KSR2: variants seen among roughly 807,000 people sequenced by gnomAD.
KSR2 encodes kinase suppressor of ras 2.
Under a neutral mutation model 107.8 loss-of-function variants are expected in KSR2, and 25 were observed. The ratio of observed to expected loss-of-function variants is 0.23; its 90% CI spans 0.17 to 0.32. The LOEUF (loss-of-function observed/expected upper bound fraction) is 0.32. KSR2 is among the 10% of genes least tolerant of loss of function. KSR2 has a pLI of 1.00. For missense variants in KSR2, 887 were observed against 1,268.9 expected (o/e 0.70, Z 4.57); for synonymous variants, 480 against 507.0 (o/e 0.95, Z 0.71).
At chr12:117,899,479 AC>A (rs1340066457) in intron 1 of KSR2, among the ~76,000 whole-genome samples, 8 of 152,084 alleles carry the variant, frequency 5.3e-5, no homozygotes, top group African/African-American at 1.9e-4. Context: ...GGCAACAGAG[AC>A]CCTGTCTCAA....
intron 5 of KSR2, among the ~76,000 whole-genome samples, chr12:117,602,179 T>C (rs937962581): frequency 2.6e-5 from 4 of 152,268 alleles, no homozygotes; most frequent in African/African-American, 9.6e-5. Context: ...GCTTGTGGTC[T>C]GTATAAAAAC....
chr12:117,854,847 C>T (rs1380687511), intron 3 of KSR2, among the ~76,000 whole-genome samples: 2 of 149,594 alleles, frequency 1.3e-5, no homozygotes, highest in Non-Finnish European at 3.0e-5. Context: ...ACTGATAGAA[C>T]AAGTCACAGA....
rs935417415 is a variant in KSR2, at chr12:117,936,976, C to G, written c.180+31100G>C. ...GCCCAGAGGGTGCCCAGGGACGCCT[C>G]CTCCATCTGCCCCCAGCCTCAAGGT... On this transcript the variant is annotated intron_variant, in intron 1 of 19. Transcript: ENST00000339824. 9.8e-5 allele frequency among the ~76,000 whole-genome samples: 15 copies of G among 152,318 alleles called. 1 individual carries two copies. The highest frequency in any genetic ancestry group is 9.2e-4 in the Admixed American group (14 of 15,284).
chr12:117,649,660 T>C (rs1389096007), intron 5 of KSR2, among the ~76,000 whole-genome samples: 2 of 152,310 alleles, frequency 1.3e-5, no homozygotes, highest in African/African-American at 4.8e-5. Flanking sequence ...GTTGCCTGCC[T>C]GGCCAAAGCC....
At chr12:117,939,441 G>A (rs551515630) in intron 1 of KSR2, among the ~76,000 whole-genome samples, 88 of 152,216 alleles carry the variant, frequency 5.8e-4, no homozygotes, top group African/African-American at 1.9e-3. Context: ...GGTCGGGTGC[G>A]GTGGCTCATG....
intron 4 of KSR2, among the ~76,000 whole-genome samples, chr12:117,727,474 G>A (rs1035111028): frequency 3.2e-5 from 2 of 62,962 alleles, no homozygotes; most frequent in African/African-American, 6.3e-5. Context: ...GGAGGAGAAA[G>A]AAGAAGGAGG....
chr12:117,685,639 A>G (rs1402685004), intron 4 of KSR2, among the ~76,000 whole-genome samples: 1 of 152,240 alleles, frequency 6.6e-6, no homozygotes, highest in East Asian at 1.9e-4. Context: ...TTGACTCACA[A>G]ACATTCCCGA....
Position 117,805,732 on chromosome 12 carries a change from A to G in KSR2, c.473-44208T>C, listed in dbSNP as rs542877755. The stretch of plus-strand genomic sequence containing the variant: ...CGCAGTGGCTCATGCCTGTAATCCC[A>G]ACACTTTGGGAGACCAAGGCGGGCA... On this transcript the variant is annotated intron_variant, in intron 3 of 19. Coordinates refer to ENST00000339824, the MANE Select transcript of KSR2 (RefSeq NM_173598.6). 7.9e-5 allele frequency among the ~76,000 whole-genome samples: 12 copies of G among 152,354 alleles called. No homozygotes were observed. In the South Asian group the frequency reaches 2.1e-3, roughly 26 times the overall value.
At chr12:117,609,139 T>C (rs1217670412) in intron 5 of KSR2, among the ~76,000 whole-genome samples, 1 of 152,180 alleles carries the variant, frequency 6.6e-6, no homozygotes, top group East Asian at 1.9e-4. Flanking sequence ...ATAGATTTTA[T>C]ACCCTGGCTC....
chr12:117,534,608 G>A (rs1018568277), intron 10 of KSR2, among the ~76,000 whole-genome samples: 6 of 151,954 alleles, frequency 3.9e-5, no homozygotes, highest in South Asian at 4.2e-4. Flanking sequence ...GGCTGTTGTC[G>A]GCAGAATAAT....
chr12:117,755,171 C>T (rs73400733), intron 4 of KSR2, among the ~76,000 whole-genome samples: 8,987 of 152,228 alleles, frequency 0.059, 906 homozygotes, highest in African/African-American at 0.2. Context: ...GGGGTTTATT[C>T]TAGAATCAAA....
intron 4 of KSR2, among the ~76,000 whole-genome samples, chr12:117,751,344 G>GT (rs1336563617): frequency 6.6e-6 from 1 of 152,128 alleles, no homozygotes; most frequent in African/African-American, 2.4e-5. Context: ...CATTAGCAGC[G>GT]TGAGAACGGA....
chr12:117,546,407 C>CAGTTTTCA (rs1876868983), intron 9 of KSR2, among the ~76,000 whole-genome samples: 1 of 152,140 alleles, frequency 6.6e-6, no homozygotes, highest in Admixed American at 6.6e-5. Context: ...TGTCTGTCTT[C>CAGTTTTCA]AGTTTTCAGA....
At chr12:117,527,302 GACACACACAC>G (rs754390805) in intron 12 of KSR2, among the ~76,000 whole-genome samples, 183 bp from the exon 13 acceptor site, 37 of 67,746 alleles carry the variant, frequency 5.5e-4, no homozygotes, top group African/African-American at 1.7e-3. Context: ...CACACACACA[GACACACACAC>G]ACACACACAC....
At chr12:117,923,919 C>T (rs1391704397) in intron 1 of KSR2, among the ~76,000 whole-genome samples, 1 of 148,954 alleles carries the variant, frequency 6.7e-6, no homozygotes, top group Non-Finnish European at 1.5e-5. Context: ...ACGCTTGTTG[C>T]CCAGGCTGGA....
chr12:117,817,584 T>A (rs1307735319), intron 3 of KSR2, among the ~76,000 whole-genome samples: 2 of 152,154 alleles, frequency 1.3e-5, no homozygotes, highest in Non-Finnish European at 2.9e-5. Flanking sequence ...GACCTCATGA[T>A]AATATTACCT....
intron 9 of KSR2, among the ~76,000 whole-genome samples, chr12:117,543,987 C>G (rs1479153440): frequency 1.3e-5 from 2 of 152,168 alleles, no homozygotes; most frequent in African/African-American, 4.8e-5. Flanking sequence ...TCTGATAAGG[C>G]CGAAAGTCAT....
intron 4 of KSR2, among the ~76,000 whole-genome samples, chr12:117,709,979 G>A (rs778379909): frequency 6.6e-6 from 1 of 152,182 alleles, no homozygotes; most frequent in Non-Finnish European, 1.5e-5. Context: ...ATCTACACTG[G>A]TTCTCATCCT....
intron 3 of KSR2, among the ~76,000 whole-genome samples, chr12:117,804,654 C>T (rs1890952702): frequency 6.6e-6 from 1 of 152,144 alleles, no homozygotes; most frequent in South Asian, 2.1e-4. Context: ...CCAGCCACCC[C>T]ATTAAGGAAC....
Sources: gnomAD v4.1 joint callset for allele counts (sites outside exome capture counted in the v4.1 genomes callset) on GRCh38, gnomAD v4.1.1 for gene constraint, MANE v1.5 for transcripts, NCBI Gene and HGNC (gene_info 2026-07-23, HGNC 2026-07-21) for gene names.